Variants in ELFN2 observed in about 807,000 individuals in gnomAD.
ELFN2 encodes protein phosphatase 1 regulatory subunit 29.
A neutral mutation model predicts 45.5 loss-of-function variants in ELFN2; 17 were observed. That is an observed-to-expected ratio of 0.37 (90% CI 0.26 to 0.56). The LOEUF (loss-of-function observed/expected upper bound fraction) is 0.56. Among genes scored for constraint, ELFN2 ranks in the 20% least tolerant of loss-of-function variants. ELFN2 has a pLI of 0.77. For synonymous variants in ELFN2, 550 were observed against 551.5 expected (o/e 1.00, Z 0.04); for missense variants, 922 against 1,183.2 (o/e 0.78, Z 3.24).
rs564887681 is a variant in ELFN2, at chr22:37,410,945, G to T, written c.-463+6824C>A. Reference sequence around the variant, plus strand: ...ACCGGGACTCCACAGGCCCCAGCCTGTCTCCAGCAGCCTCAGAGGTGACTC... The same window carrying T: ...ACCGGGACTCCACAGGCCCCAGCCTTTCTCCAGCAGCCTCAGAGGTGACTC... On this transcript the variant is annotated intron_variant, in intron 2 of 2. Coordinates refer to ENST00000402918, the MANE Select transcript of ELFN2 (RefSeq NM_052906.5). Among the ~76,000 whole-genome samples, 3 of 152,322 alleles carry T rather than the reference G, an allele frequency of 2.0e-5. No homozygotes were observed. The East Asian group carries it at 5.8e-4, about 29-fold the overall frequency.
chr22:37,397,812 G>A (rs371099002), intron 2 of ELFN2, among the ~76,000 whole-genome samples: 4 of 152,082 alleles, frequency 2.6e-5, no homozygotes, highest in African/African-American at 9.7e-5. Flanking sequence ...ACCGGGCTGG[G>A]CATTTTACAG....
At chr22:37,365,480 G>A (rs1389047641), downstream of ELFN2, among the ~76,000 whole-genome samples, 1 of 152,200 alleles carries the variant, frequency 6.6e-6, no homozygotes, top group Non-Finnish European at 1.5e-5. Context: ...CATCAAAGAA[G>A]CTAGAGAAGG....
At chr22:37,392,746 C>T (rs571984355) in intron 2 of ELFN2, among the ~76,000 whole-genome samples, 1 of 152,282 alleles carries the variant, frequency 6.6e-6, no homozygotes, top group South Asian at 2.1e-4. Context: ...ATATTTGCCC[C>T]CACATATCTG....
At chr22:37,399,917 G>A (rs73884035) in intron 2 of ELFN2, among the ~76,000 whole-genome samples, 357 of 152,288 alleles carry the variant, frequency 2.3e-3, no homozygotes, top group African/African-American at 8.4e-3. Context: ...TGCTTCCTCA[G>A]CACCCACTGA....
chr22:37,420,569 GC>G (rs1467491123), intron 1 of ELFN2: 1 of 152,674 alleles, frequency 6.5e-6, no homozygotes, highest in African/African-American at 2.4e-5. Context: ...AGGTGCTGGG[GC>G]AGGCCCGCTC....
At chr22:37,422,331 C>T (rs967887627) in intron 1 of ELFN2, among the ~76,000 whole-genome samples, 1 of 152,038 alleles carries the variant, frequency 6.6e-6, no homozygotes, top group Non-Finnish European at 1.5e-5. Flanking sequence ...TCTTCTCTTA[C>T]CTAACCTTTA....
intron 1 of ELFN2, among the ~76,000 whole-genome samples, chr22:37,426,356 GCA>G (rs133719): frequency 0.34 from 48,746 of 143,496 alleles, 9,001 homozygotes; most frequent in Middle Eastern, 0.5. Context: ...GCGCGCGCGC[GCA>G]CACACACACA....
In ELFN2 at chr22:37,374,610, C is replaced by T; in HGVS notation, c.925G>A (p.Ala309Thr). Residue 309 changes from alanine (A) to threonine (T), a missense_variant, in exon 3 of 3, where the codon GCC becomes ACC. By Grantham distance (58) the Ala-to-Thr change is moderately conservative. Coordinates refer to ENST00000402918, the MANE Select transcript of ELFN2 (RefSeq NM_052906.5). ...IKLHHVTFTS[A>T]TLVVIIPHPY... is the part of the protein sequence containing the mutation. The stretch of plus-strand genomic sequence containing the variant: ...TGTGGGATGATGACCACCAGGGTGG[C>T]CGAGGTGAACGTGACGTGGTGCAGC... 1 of 1,614,146 alleles carries T rather than the reference C, an allele frequency of 6.2e-7. No homozygotes were observed. Among genetic ancestry groups the T allele is most frequent in the Non-Finnish European group, 8.5e-7 (1 of 1,179,986 alleles).
Position 37,373,949 on chromosome 22 carries a change from C to A in ELFN2, c.1586G>T (p.Gly529Val). Reference protein sequence around the residue: ...DDLPDLENGQGSAAEISTIAK... With the variant: ...DDLPDLENGQVSAAEISTIAK... ...AATGGTGGAGATCTCTGCAGCCGAG[C>A]CCTGGCCGTTCTCGAGGTCCGGGAG... Residue 529 changes from glycine (G) to valine (V), a missense_variant, in exon 3 of 3, where the codon GGC (glycine) becomes GTC (valine). Physicochemically the swap from Gly to Val is moderately radical, Grantham distance 109. Around this residue, in one of 2 missense-constraint regions of ELFN2, gnomAD observed 564 missense variants for 642.8 expected, o/e 0.88. Coordinates refer to ENST00000402918, the MANE Select transcript of ELFN2 (RefSeq NM_052906.5). 6.2e-7 allele frequency: 1 copy of A among 1,612,420 alleles called. No individual in the cohort carries two copies. Among genetic ancestry groups the A allele is most frequent in the Non-Finnish European group, 8.5e-7 (1 of 1,179,728 alleles).
At chr22:37,383,023 G>A (rs994593197) in intron 2 of ELFN2, among the ~76,000 whole-genome samples, 1 of 152,156 alleles carries the variant, frequency 6.6e-6, no homozygotes, top group Non-Finnish European at 1.5e-5. Context: ...TTATCACTCT[G>A]CTTATCCAAG....
rs571595653 is a variant in ELFN2 at position 37,420,938 on chromosome 22, T to C, written c.-613-3019A>G. Reference sequence around the variant, plus strand: ...GGAGTCTCAGAGACCCCGGGGAACATGCAGCTGCCATCCAACCAGCAAATG... The same window carrying C: ...GGAGTCTCAGAGACCCCGGGGAACACGCAGCTGCCATCCAACCAGCAAATG... On this transcript the variant is annotated intron_variant, in intron 1 of 2. Transcript: ENST00000402918. 2.6e-5 allele frequency among the ~76,000 whole-genome samples: 4 copies of C among 152,228 alleles called. No homozygotes were observed. The South Asian group carries it at 8.3e-4, about 32-fold the overall frequency.
intron 1 of ELFN2, among the ~76,000 whole-genome samples, chr22:37,352,869 G>A (rs566167580): frequency 2.0e-5 from 3 of 150,952 alleles, no homozygotes; most frequent in Non-Finnish European, 3.0e-5. Context: ...CGTTTTTAAC[G>A]ATCTTGCTAC....
chr22:37,382,271 C>T (rs1324203056), intron 2 of ELFN2, among the ~76,000 whole-genome samples: 1 of 148,520 alleles, frequency 6.7e-6, no homozygotes. Flanking sequence ...GCTCTCAGCG[C>T]CCACCTAAAG....
At chr22:37,424,400 C>T (rs1314245938) in intron 1 of ELFN2, among the ~76,000 whole-genome samples, 2 of 152,194 alleles carry the variant, frequency 1.3e-5, no homozygotes, top group Non-Finnish European at 2.9e-5. Context: ...ATGGAGCCCC[C>T]AGTGACCGCC....
rs1014855815 is a variant in ELFN2, at chr22:37,370,385, G to A, written c.*2687C>T. ...CCTGAAGCCCCCCACGAAGCCCCAA[G>A]CTCCTGGCCTCCTACACTCAGCAGT... On this transcript the variant is annotated 3_prime_UTR_variant, in exon 3 of 3. Transcript: ENST00000402918. 6.6e-6 allele frequency: 1 copy of A among 152,194 alleles called. No individual in the cohort carries two copies. The highest frequency in any genetic ancestry group is 6.5e-5 in the Admixed American group (1 of 15,278). 9.4% of individuals were successfully genotyped at this position (152,194 alleles called of 1,614,324 possible).
chr22:37,343,216 C>G (rs928933290), intron 1 of ELFN2, among the ~76,000 whole-genome samples: 9 of 152,146 alleles, frequency 5.9e-5, no homozygotes, highest in African/African-American at 2.2e-4. Context: ...GCTCCTTCCT[C>G]TGGCCAAGGA....
chr22:37,400,121 A>C (rs73884039), intron 2 of ELFN2, among the ~76,000 whole-genome samples: 3,177 of 152,196 alleles, frequency 0.021, 110 homozygotes, highest in African/African-American at 0.07. Context: ...AAGGGAGTGC[A>C]AGGGAGAAGA....
At chr22:37,405,089 CATT>C (rs1278163043) in intron 2 of ELFN2, among the ~76,000 whole-genome samples, 3 of 121,538 alleles carry the variant, frequency 2.5e-5, no homozygotes, top group African/African-American at 3.4e-5. Flanking sequence ...TGAACCTCAG[CATT>C]TTTTTTTTTT....
Position 37,346,820 on chromosome 22 carries a change from T to TAC in ELFN2, n.149-4119_149-4118dup, listed in dbSNP as rs541321373. Among the ~76,000 whole-genome samples, 36 of 151,768 alleles carry TAC rather than the reference T, an allele frequency of 2.4e-4. 1 individual carries two copies. The highest frequency in any genetic ancestry group is 8.0e-4 in the African/African-American group (33 of 41,294). ...CACGCAGACTGTACACACCAAGACA[T>TAC]ACACACACACAGCCCTCAGTGAAAC... On this transcript the variant is annotated intron_variant and non_coding_transcript_variant, in intron 1 of 2. Transcript: ENST00000452946.
Sources: allele counts gnomAD v4.1 joint callset (sites outside exome capture counted in the v4.1 genomes callset), GRCh38; gene constraint gnomAD v4.1.1; regional missense constraint gnomAD v4.1.1; transcripts MANE v1.5; gene names NCBI Gene and HGNC (gene_info 2026-07-23, HGNC 2026-07-21).